HYDIN: variants seen among roughly 807,000 people sequenced by gnomAD.
HYDIN encodes the protein axonemal central pair apparatus protein HYDIN.
Under a neutral mutation model 403.9 loss-of-function variants are expected in HYDIN, and 132 were observed. The observed-to-expected ratio is 0.33, with a 90% confidence interval of 0.28 to 0.38. The LOEUF (loss-of-function observed/expected upper bound fraction) is 0.38. Among genes scored for constraint, HYDIN ranks in the 10% least tolerant of loss-of-function variants. The pLI is 1.00. For synonymous variants in HYDIN, 1,202 were observed against 1,891.7 expected, an observed-to-expected ratio of 0.64 and a Z score of 9.46; for missense variants, 2,827 against 5,009.5, an observed-to-expected ratio of 0.56 and a Z score of 13.15.
chr16:71,024,998 T>G (rs1215563685), intron 21 of HYDIN, among the ~76,000 whole-genome samples: 1 of 152,240 alleles, frequency 6.6e-6, no homozygotes, highest in African/African-American at 2.4e-5. Flanking sequence ...TAGCAAGTAC[T>G]AATCAATCAG....
chr16:70,954,605 G>A (rs1249562040), intron 40 of HYDIN, among the ~76,000 whole-genome samples: 3 of 152,126 alleles, frequency 2.0e-5, no homozygotes, highest in East Asian at 1.9e-4. Flanking sequence ...CTGTGGCTAG[G>A]AAGCTGGGCG....
chr16:71,221,049 A>G (rs1317074370), intron 1 of HYDIN, among the ~76,000 whole-genome samples: 3 of 152,098 alleles, frequency 2.0e-5, no homozygotes, highest in African/African-American at 7.2e-5. Context: ...AGACAAGGAC[A>G]CCCTGAGCTC....
At chr16:70,858,866 C>T (rs1204588775) in intron 71 of HYDIN, among the ~76,000 whole-genome samples, 1 of 151,274 alleles carries the variant, frequency 6.6e-6, no homozygotes, top group Admixed American at 6.6e-5. Flanking sequence ...TCACATTTAA[C>T]TAGATGGCCT....
At chr16:70,822,546 G>A (rs1393149223) in intron 83 of HYDIN, among the ~76,000 whole-genome samples, 4 of 152,234 alleles carry the variant, frequency 2.6e-5, no homozygotes, top group Non-Finnish European at 2.9e-5. Context: ...GACTGACTCC[G>A]ATTTTGAAAG....
At chr16:70,851,324 C>T (rs2038638592) in intron 73 of HYDIN, among the ~76,000 whole-genome samples, 2 of 151,040 alleles carry the variant, frequency 1.3e-5, no homozygotes, top group African/African-American at 4.9e-5. Context: ...AGAAACTATG[C>T]ATCTGACACA....
intron 1 of HYDIN, among the ~76,000 whole-genome samples, chr16:71,194,841 T>C (rs1302320742): frequency 6.6e-6 from 1 of 152,152 alleles, no homozygotes; most frequent in African/African-American, 2.4e-5. Context: ...GACCAGCAAA[T>C]TGGTTCTGAC....
intron 1 of HYDIN, among the ~76,000 whole-genome samples, chr16:71,205,043 T>C (rs939591293): frequency 6.6e-6 from 1 of 152,184 alleles, no homozygotes; most frequent in Non-Finnish European, 1.5e-5. Context: ...TAGAACACCA[T>C]AGTCACTTTT....
chr16:70,807,782 A>G lies in HYDIN; in HGVS notation c.15164T>C (p.Ile5055Thr). Residue 5055 changes from isoleucine (I) to threonine (T), a missense_variant, in exon 86 of 86, where the codon ATC (isoleucine) becomes ACC (threonine). Coordinates refer to ENST00000393567, the MANE Select transcript of HYDIN (RefSeq NM_001270974.2). ...AATGGTGAAGGCTGGGTTATCCACG[A>G]TGATGGAGAAGGTCACCATGTGATA... ...VFYHMVTFSI[I>T]VDNPAFTIRA... 6.2e-7 allele frequency: 1 copy of G among 1,614,192 alleles called. No individual in the cohort carries two copies. Among genetic ancestry groups the G allele is most frequent in the Non-Finnish European group, 8.5e-7 (1 of 1,180,020 alleles).
At chr16:71,173,831 A>G (rs2086561722) in intron 5 of HYDIN, among the ~76,000 whole-genome samples, 1 of 152,200 alleles carries the variant, frequency 6.6e-6, no homozygotes, top group Admixed American at 6.5e-5. Flanking sequence ...CAGTCAGATG[A>G]GGTACAGATA....
At chr16:71,228,654 C>G (rs2041145811) in intron 1 of HYDIN, among the ~76,000 whole-genome samples, 1 of 152,166 alleles carries the variant, frequency 6.6e-6, no homozygotes, top group Non-Finnish European at 1.5e-5. Flanking sequence ...GTCAGGAAAA[C>G]AACAGGTGCT....
intron 45 of HYDIN, among the ~76,000 whole-genome samples, chr16:70,931,903 T>C (rs1402069011): frequency 2.1e-5 from 3 of 143,356 alleles, no homozygotes; most frequent in Non-Finnish European, 3.0e-5. Flanking sequence ...TAATCCCAGC[T>C]ACTTGGGAAG....
intron 1 of HYDIN, among the ~76,000 whole-genome samples, chr16:71,208,321 T>G (rs2088405831): frequency 6.6e-6 from 1 of 152,100 alleles, no homozygotes; most frequent in Admixed American, 6.6e-5. Context: ...CAAATGAGTC[T>G]TGGGTAAATA....
chr16:70,883,020 C>A (rs1303847591), intron 59 of HYDIN, 125 bp from the exon 60 acceptor site: 4 of 733,950 alleles, frequency 5.4e-6, no homozygotes, highest in African/African-American at 3.4e-5. Flanking sequence ...CGAAGTCATG[C>A]AAGGGGGTGT....
At chr16:70,862,347 CGGATATGGT>C (rs1567723867) in intron 68 of HYDIN, 92 bp from the exon 69 acceptor site, 1 of 683,908 alleles carries the variant, frequency 1.5e-6, no homozygotes, top group South Asian at 1.9e-5. Flanking sequence ...GGGCCCTCTG[CGGATATGGT>C]GGATATGGAC....
At chr16:70,854,586 G>T (rs1359644911) in intron 73 of HYDIN, among the ~76,000 whole-genome samples, 4 of 143,022 alleles carry the variant, frequency 2.8e-5, no homozygotes, top group African/African-American at 7.8e-5. Flanking sequence ...GGCTAATTTT[G>T]GTATTTTTAG....
At chr16:71,003,633 C>G (rs2079794873) in intron 23 of HYDIN, among the ~76,000 whole-genome samples, 1 of 151,688 alleles carries the variant, frequency 6.6e-6, no homozygotes, top group African/African-American at 2.4e-5. Flanking sequence ...AACCCTGTCT[C>G]TATTAAAAAT....
chr16:70,810,507 A>G (rs1355891410), intron 84 of HYDIN, among the ~76,000 whole-genome samples: 1 of 152,240 alleles, frequency 6.6e-6, no homozygotes. Context: ...TTCTCATTTC[A>G]GTGGAATATT....
At chr16:70,819,014 A>G (rs1321598554) in intron 83 of HYDIN, among the ~76,000 whole-genome samples, 1 of 151,192 alleles carries the variant, frequency 6.6e-6, no homozygotes, top group African/African-American at 2.5e-5. Flanking sequence ...TCCGGGTTCA[A>G]GTGATTCTCC....
At chr16:70,914,954 A>G (rs1480830319) in intron 47 of HYDIN, among the ~76,000 whole-genome samples, 1 of 145,514 alleles carries the variant, frequency 6.9e-6, no homozygotes, top group Non-Finnish European at 1.5e-5. Flanking sequence ...AGCATTTTGC[A>G]TTTCTCTAAG....
Sources: gnomAD v4.1 joint callset for allele counts (sites outside exome capture counted in the v4.1 genomes callset) on GRCh38, gnomAD v4.1.1 for gene constraint, MANE v1.5 for transcripts, NCBI Gene and HGNC (gene_info 2026-07-23, HGNC 2026-07-21) for gene names.